Variants in MAP3K2 observed in about 807,000 individuals in gnomAD.
The protein encoded by MAP3K2 is mitogen-activated protein kinase kinase kinase 2, also known as MAP/ERK kinase kinase 2.
A neutral mutation model predicts 80.3 loss-of-function variants in MAP3K2; 24 were observed. The ratio of observed to expected loss-of-function variants is 0.30; its 90% CI spans 0.22 to 0.42. MAP3K2 has a LOEUF of 0.42. Among genes scored for constraint, MAP3K2 ranks in the 10% least tolerant of loss-of-function variants. The pLI, the probability that MAP3K2 is intolerant of heterozygous loss-of-function variation, is 1.00. For synonymous variants in MAP3K2, 244 were observed against 253.7 expected (o/e 0.96, Z 0.36); for missense variants, 608 against 750.1 (o/e 0.81, Z 2.21).
At chr2:127,387,412 A>G (rs1417206712) in intron 1 of MAP3K2, 40 bp downstream of exon 1, 3 of 916,190 alleles carry the variant, frequency 3.3e-6, no homozygotes, top group Non-Finnish European at 3.9e-6. Flanking sequence ...ACACACACAC[A>G]CACACACACA....
Position 127,307,417 on chromosome 2 carries a change from A to G in MAP3K2, c.*162T>C. ...TTAAATATAAAAAATTTAGGATATT[A>G]TTATTATTAAACAAATTTAACCAAG... is the stretch of plus-strand genomic sequence containing the variant. On this transcript the variant is annotated 3_prime_UTR_variant, in exon 17 of 17. Coordinates refer to ENST00000682094, the MANE Select transcript of MAP3K2 (RefSeq NM_001371910.2). This position sits in a 1 kb window ranked among gnomAD's most constrained non-coding sequence, Gnocchi z 5.4. The G allele has an allele frequency of 2.3e-6, 1 of 430,792 alleles. No homozygotes were observed. The highest frequency in any genetic ancestry group is 4.1e-6 in the Non-Finnish European group (1 of 243,438). The allele number at this position is 430,792 out of a possible 1,614,324, so 26.7% of individuals were successfully genotyped here.
intron 1 of MAP3K2, among the ~76,000 whole-genome samples, chr2:127,386,000 T>C (rs962431192): frequency 2.6e-5 from 4 of 152,246 alleles, no homozygotes; most frequent in Admixed American, 2.0e-4. Flanking sequence ...AGATTCAACA[T>C]GTTTATATTT....
In MAP3K2 at chr2:127,343,193, G is replaced by A. The variant is rs763052575; in HGVS notation, c.-64C>T. 1 of 1,307,660 alleles carries A rather than the reference G, an allele frequency of 7.6e-7. No individual in the cohort carries two copies. The allele number at this position is 1,307,660 out of a possible 1,614,324, so 81.0% of individuals were successfully genotyped here. ...GGTTCTCCCATCAGCATTCTTTATGGCCTGAGAAGATAAAACAGATCAGCA... is the reference window on the plus strand; with the variant it reads ...GGTTCTCCCATCAGCATTCTTTATGACCTGAGAAGATAAAACAGATCAGCA... On this transcript the variant is annotated splice_region_variant and 5_prime_UTR_variant, in exon 2 of 17. Transcript: ENST00000682094.
At chr2:127,347,695 T>C (rs1686622876) in intron 1 of MAP3K2, among the ~76,000 whole-genome samples, 1 of 152,126 alleles carries the variant, frequency 6.6e-6, no homozygotes, top group Non-Finnish European at 1.5e-5. Flanking sequence ...GAACTCTCTA[T>C]CAAAATTCCA....
chr2:127,344,818 C>A (rs914849017), intron 1 of MAP3K2, among the ~76,000 whole-genome samples: 1 of 152,186 alleles, frequency 6.6e-6, no homozygotes, highest in African/African-American at 2.4e-5. Flanking sequence ...ATCCAAAAAA[C>A]TTCTGGTCCC....
At chr2:127,370,322 GTTCA>G (rs2104886706) in intron 1 of MAP3K2, among the ~76,000 whole-genome samples, 1 of 152,308 alleles carries the variant, frequency 6.6e-6, no homozygotes, top group South Asian at 2.1e-4. Context: ...CTGTGTCTGA[GTTCA>G]TTTGTTCATC....
intron 8 of MAP3K2, 144 bp from the exon 9 acceptor site, chr2:127,325,951 G>T: frequency 4.9e-6 from 3 of 614,290 alleles, no homozygotes; most frequent in South Asian, 2.0e-5. Flanking sequence ...TTAGAATACT[G>T]AGAGTTGTGC....
chr2:127,360,368 TAAA>T (rs58395927), intron 1 of MAP3K2, among the ~76,000 whole-genome samples: 9 of 125,330 alleles, frequency 7.2e-5, no homozygotes, highest in Admixed American at 8.2e-5. Flanking sequence ...ATCACTGGTT[TAAA>T]AAAAAAAAAA....
At chr2:127,328,382 C>T (rs1686186231) in intron 7 of MAP3K2, among the ~76,000 whole-genome samples, 2 of 152,158 alleles carry the variant, frequency 1.3e-5, no homozygotes, top group Non-Finnish European at 2.9e-5. Flanking sequence ...AACATCTGAG[C>T]TTTGTACAAT....
chr2:127,366,442 T>C (rs1686973744), intron 1 of MAP3K2, among the ~76,000 whole-genome samples: 1 of 150,210 alleles, frequency 6.7e-6, no homozygotes, highest in African/African-American at 2.4e-5. Flanking sequence ...AGGATACGTG[T>C]ATGCTTTAGT....
At chr2:127,373,892 T>C (rs935951617) in intron 1 of MAP3K2, among the ~76,000 whole-genome samples, 3 of 152,228 alleles carry the variant, frequency 2.0e-5, no homozygotes, top group African/African-American at 7.2e-5. Context: ...TACCCTTATC[T>C]ATGGACCTGC....
rs1685793218 is a variant in MAP3K2, at chr2:127,310,693, C to T, written c.1457-1931G>A. 6.6e-6 allele frequency among the ~76,000 whole-genome samples: 1 copy of T among 152,002 alleles called. No individual in the cohort carries two copies. The highest frequency in any genetic ancestry group is 1.5e-5 in the Non-Finnish European group (1 of 67,978). On this transcript the variant is annotated intron_variant, in intron 15 of 16. Coordinates refer to ENST00000682094, the MANE Select transcript of MAP3K2 (RefSeq NM_001371910.2). This position sits in a 1 kb window ranked among gnomAD's most constrained non-coding sequence, Gnocchi z 4.8. Reference sequence around the variant, plus strand: ...AAACCAAGCTTGGGCACTAGGCTCACTTGTTTTTTATTCTCTATTTTCACT... The same window carrying T: ...AAACCAAGCTTGGGCACTAGGCTCATTTGTTTTTTATTCTCTATTTTCACT...
chr2:127,327,389 G>A (rs1238821597), intron 7 of MAP3K2, among the ~76,000 whole-genome samples: 1 of 152,148 alleles, frequency 6.6e-6, no homozygotes, highest in Non-Finnish European at 1.5e-5. Flanking sequence ...GTGCATAAAA[G>A]AGAGTACTGT....
At chr2:127,380,364 T>C (rs572385298) in intron 1 of MAP3K2, among the ~76,000 whole-genome samples, 1 of 152,306 alleles carries the variant, frequency 6.6e-6, no homozygotes, top group Admixed American at 6.5e-5. Flanking sequence ...ACCGATAAAA[T>C]ATATTAAACT....
chr2:127,311,573 C>T (rs1342577451), intron 15 of MAP3K2, among the ~76,000 whole-genome samples: 7 of 152,108 alleles, frequency 4.6e-5, no homozygotes, highest in Non-Finnish European at 7.4e-5. Context: ...GAGCAGCATG[C>T]GCAGCCATCA....
chr2:127,319,176 C>G (rs928427951), intron 12 of MAP3K2, among the ~76,000 whole-genome samples: 1 of 146,298 alleles, frequency 6.8e-6, no homozygotes, highest in African/African-American at 2.5e-5. Context: ...GAGAAAGCAG[C>G]AAACCCTGTC....
At chr2:127,349,307 C>A (rs369835077) in intron 1 of MAP3K2, among the ~76,000 whole-genome samples, 1 of 152,082 alleles carries the variant, frequency 6.6e-6, no homozygotes, top group African/African-American at 2.4e-5. Context: ...ACTACAGGTA[C>A]GCATCATGCC....
In MAP3K2 at chr2:127,325,092, C is replaced by T. The variant is rs557396035; in HGVS notation, c.677+636G>A. Among the ~76,000 whole-genome samples the T allele has an allele frequency of 4.6e-5, 7 of 152,286 alleles. No individual in the cohort carries two copies. In the Middle Eastern group the frequency reaches 0.01, roughly 222 times the overall value. ...CATATTAATGTAAAAGTTGATAGCA[C>T]TTTTCATAAACACAGTTTTAAAAGT... is the stretch of plus-strand genomic sequence containing the variant. On this transcript the variant is annotated intron_variant, in intron 9 of 16. Coordinates refer to ENST00000682094, the MANE Select transcript of MAP3K2 (RefSeq NM_001371910.2).
intron 10 of MAP3K2, 48 bp downstream of exon 10, chr2:127,324,126 T>A (rs1459797744): frequency 7.6e-7 from 1 of 1,312,086 alleles, no homozygotes; most frequent in Non-Finnish European, 1.0e-6. Flanking sequence ...GCCAAAACAT[T>A]ATCCAATGAC....
Sources: allele counts gnomAD v4.1 joint callset (sites outside exome capture counted in the v4.1 genomes callset), GRCh38; gene constraint gnomAD v4.1.1; non-coding constraint Gnocchi (gnomAD v3.1); transcripts MANE v1.5; gene names NCBI Gene and HGNC (gene_info 2026-07-23, HGNC 2026-07-21).